The following IL1RAPL2 variants were observed in gnomAD, a reference collection of about 807,000 sequenced individuals.
The protein encoded by IL1RAPL2 is X-linked interleukin-1 receptor accessory protein-like 2.
In IL1RAPL2, 3 loss-of-function variants were observed where a neutral mutation model predicts 44.1. That is an observed-to-expected ratio of 0.07 (90% confidence interval 0.03 to 0.18). The LOEUF (loss-of-function observed/expected upper bound fraction) is 0.18, where lower values mean the gene tolerates loss of function less well. Among genes scored for constraint, IL1RAPL2 ranks in the 10% least tolerant of loss-of-function variants. The pLI is 1.00. For missense variants in IL1RAPL2, 391 were observed against 496.4 expected, an observed-to-expected ratio of 0.79 and a Z score of 2.02; for synonymous variants, 181 against 178.8, an observed-to-expected ratio of 1.01 and a Z score of -0.10.
At chrX:105,372,955 T>C (rs762018199) in intron 5 of IL1RAPL2, among the ~76,000 whole-genome samples, 2 of 112,841 alleles carry the variant, frequency 1.8e-5, no homozygotes, top group Non-Finnish European at 3.7e-5. Flanking sequence ...TCTGTGCTAT[T>C]GCAAATAGTG....
intron 5 of IL1RAPL2, among the ~76,000 whole-genome samples, chrX:105,375,664 T>C (rs1439776005): frequency 1.8e-5 from 2 of 112,588 alleles, no homozygotes; most frequent in Non-Finnish European, 3.7e-5. Flanking sequence ...GAAAATATAT[T>C]AAACATTTAT....
At chrX:105,340,652 T>A (rs2035063336) in intron 5 of IL1RAPL2, among the ~76,000 whole-genome samples, 1 of 111,796 alleles carries the variant, frequency 8.9e-6, no homozygotes, top group Admixed American at 9.5e-5. Context: ...AACTGCATGC[T>A]TTGTACTCCC....
intron 2 of IL1RAPL2, among the ~76,000 whole-genome samples, chrX:104,808,796 T>A (rs1429340096): frequency 2.7e-5 from 3 of 111,547 alleles, no homozygotes; most frequent in Non-Finnish European, 5.7e-5. Flanking sequence ...TTTGGATTAG[T>A]TGTTGAACGC....
intron 5 of IL1RAPL2, among the ~76,000 whole-genome samples, chrX:105,316,347 A>G (rs1002232541): frequency 3.6e-5 from 4 of 112,170 alleles, no homozygotes; most frequent in African/African-American, 1.3e-4. Flanking sequence ...CTGCTTGCTA[A>G]TCAATGAAAA....
At chrX:104,618,451 C>T (rs1170626504) in intron 1 of IL1RAPL2, among the ~76,000 whole-genome samples, 1 of 112,065 alleles carries the variant, frequency 8.9e-6, no homozygotes, top group African/African-American at 3.2e-5. Context: ...AGAGGTGTGC[C>T]TACGTATGGA....
chrX:105,575,951 G>T (rs1241482643), intron 6 of IL1RAPL2, among the ~76,000 whole-genome samples: 2 of 110,438 alleles, frequency 1.8e-5, no homozygotes. Flanking sequence ...TTTCATGTTT[G>T]TTGGCCACAT....
intron 2 of IL1RAPL2, among the ~76,000 whole-genome samples, chrX:104,891,977 C>A (rs907654761): frequency 9.0e-6 from 1 of 111,486 alleles, no homozygotes; most frequent in Non-Finnish European, 1.9e-5. Flanking sequence ...CCATCAATAC[C>A]TAATTTATTG....
intron 6 of IL1RAPL2, among the ~76,000 whole-genome samples, chrX:105,510,823 AG>A (rs1186215677): frequency 9.0e-6 from 1 of 111,674 alleles, no homozygotes; most frequent in African/African-American, 3.3e-5. Context: ...GTATCGAGAA[AG>A]GGATACAGTC....
chrX:104,723,271 T>G (rs1377622334), intron 2 of IL1RAPL2, among the ~76,000 whole-genome samples: 1 of 111,539 alleles, frequency 9.0e-6, no homozygotes, highest in African/African-American at 3.2e-5. Context: ...TTGTAGAAAA[T>G]ATTTTTAAAA....
At chrX:104,710,889 A>G (rs1386097000) in intron 2 of IL1RAPL2, among the ~76,000 whole-genome samples, 1 of 111,397 alleles carries the variant, frequency 9.0e-6, no homozygotes, top group East Asian at 2.9e-4. Flanking sequence ...AATGCTTGAT[A>G]GTGATTATAA....
chrX:104,835,367 A>G (rs1356457243), intron 2 of IL1RAPL2, among the ~76,000 whole-genome samples: 1 of 111,217 alleles, frequency 9.0e-6, no homozygotes, highest in Non-Finnish European at 1.9e-5. Context: ...TGGATTTTAA[A>G]AACTGATACT....
intron 2 of IL1RAPL2, among the ~76,000 whole-genome samples, chrX:104,925,551 G>A (rs1052772640): frequency 3.6e-5 from 4 of 112,055 alleles, no homozygotes; most frequent in African/African-American, 1.3e-4. Flanking sequence ...TTCAACATAT[G>A]AAATCAATAA....
chrX:105,432,129 CTTTTTTTTTT>C lies in IL1RAPL2; in HGVS notation c.698-52170_698-52161del, dbSNP rs386417369. On this transcript the variant is annotated intron_variant, in intron 5 of 10. Coordinates refer to ENST00000372582, the MANE Select transcript of IL1RAPL2 (RefSeq NM_017416.2). Reference sequence around the variant, plus strand: ...AGTAGATTCAGTGTCTTCAATTTGCCTTTTTTTTTTTTTTTTTTTTTTTCACTTTTCTCAC... The same window carrying C: ...AGTAGATTCAGTGTCTTCAATTTGCCTTTTTTTTTTTTTCACTTTTCTCAC... 8.9e-5 allele frequency among the ~76,000 whole-genome samples: 4 copies of C among 44,834 alleles called. No homozygotes were observed. In the Admixed American group the frequency reaches 1.6e-3, roughly 18 times the overall value. 38.9% of individuals were successfully genotyped at this position (44,834 alleles called of 115,157 possible). A position where few individuals can be genotyped will look rare whatever the true frequency, so the allele number is the denominator to read the frequency against.
intron 5 of IL1RAPL2, among the ~76,000 whole-genome samples, chrX:105,284,100 T>C (rs1315919429): frequency 8.9e-6 from 1 of 111,891 alleles, no homozygotes; most frequent in Non-Finnish European, 1.9e-5. Context: ...CTATTTATGA[T>C]ATGTGCTGGG....
chrX:105,218,216 C>T (rs984438222), intron 3 of IL1RAPL2, among the ~76,000 whole-genome samples: 2 of 111,560 alleles, frequency 1.8e-5, no homozygotes, highest in African/African-American at 6.5e-5. Context: ...CTGCTGCTCT[C>T]TCCATCTCTC....
intron 2 of IL1RAPL2, among the ~76,000 whole-genome samples, chrX:104,892,130 T>C (rs1336668568): frequency 9.0e-6 from 1 of 111,699 alleles, no homozygotes; most frequent in Non-Finnish European, 1.9e-5. Context: ...CAGCCTTGCA[T>C]CCCAGGGATG....
chrX:105,162,599 A>T (rs1188073451), intron 2 of IL1RAPL2, among the ~76,000 whole-genome samples: 1 of 112,481 alleles, frequency 8.9e-6, no homozygotes, highest in East Asian at 2.8e-4. Context: ...GAGAAATATA[A>T]TGAGTGCTTT....
chrX:105,197,394 TTTG>T (rs1178451591), intron 3 of IL1RAPL2, among the ~76,000 whole-genome samples: 1 of 112,020 alleles, frequency 8.9e-6, no homozygotes, highest in Non-Finnish European at 1.9e-5. Flanking sequence ...TTGCTTTTTG[TTTG>T]TTGTTTTCAC....
intron 5 of IL1RAPL2, among the ~76,000 whole-genome samples, chrX:105,422,024 C>T (rs1233711192): frequency 2.7e-5 from 3 of 112,254 alleles, no homozygotes; most frequent in African/African-American, 9.7e-5. Flanking sequence ...TTTTTTCTCT[C>T]TCCAGTTTTC....
Sources: allele counts gnomAD v4.1 joint callset (sites outside exome capture counted in the v4.1 genomes callset), GRCh38; gene constraint gnomAD v4.1.1; transcripts MANE v1.5; gene names NCBI Gene and HGNC (gene_info 2026-07-23, HGNC 2026-07-21).